The following PPP1R9A variants were observed in gnomAD, a reference collection of about 807,000 sequenced individuals.
PPP1R9A encodes the protein protein phosphatase 1 regulatory subunit 9A, also known as neurabin-1.
In PPP1R9A, 59 loss-of-function variants were observed where a neutral mutation model predicts 141.9. The observed-to-expected ratio is 0.42, with a 90% confidence interval of 0.34 to 0.52. PPP1R9A has a LOEUF of 0.52. PPP1R9A is among the 20% of genes least tolerant of loss of function. The pLI, the probability that PPP1R9A is intolerant of heterozygous loss-of-function variation, is 0.10. For synonymous variants in PPP1R9A, 500 were observed against 569.7 expected, an observed-to-expected ratio of 0.88 and a Z score of 1.74; for missense variants, 1,444 against 1,611.9, an observed-to-expected ratio of 0.90 and a Z score of 1.78.
chr7:95,284,950 A>G (rs1025747028), intron 17 of PPP1R9A, among the ~76,000 whole-genome samples: 7 of 152,352 alleles, frequency 4.6e-5, no homozygotes, highest in Non-Finnish European at 7.3e-5. Context: ...CAGAAACGTG[A>G]TTAATGTTAC....
intron 8 of PPP1R9A, among the ~76,000 whole-genome samples, chr7:95,237,054 A>G (rs115613911): frequency 3.8e-4 from 58 of 151,572 alleles, no homozygotes; most frequent in African/African-American, 1.4e-3. Context: ...ATTTTTTAAG[A>G]TATTTTATAT....
chr7:95,117,288 CA>C (rs1417924446), intron 3 of PPP1R9A, among the ~76,000 whole-genome samples: 2 of 151,810 alleles, frequency 1.3e-5, no homozygotes, highest in Admixed American at 1.3e-4. Context: ...ATGGGTCAGC[CA>C]CAGGAATAAT....
intron 2 of PPP1R9A, among the ~76,000 whole-genome samples, chr7:94,947,531 G>A (rs1301963301): frequency 6.6e-6 from 1 of 152,042 alleles, no homozygotes; most frequent in Non-Finnish European, 1.5e-5. Context: ...ACAGAAAGTG[G>A]GTTCAGATGC....
At chr7:95,114,183 C>T (rs1563255252) in intron 3 of PPP1R9A, among the ~76,000 whole-genome samples, 2 of 151,962 alleles carry the variant, frequency 1.3e-5, no homozygotes, top group Admixed American at 6.6e-5. Context: ...TACTCAGCAG[C>T]GAAAATGGAG....
At chr7:95,236,809 A>G (rs1204722698) in intron 8 of PPP1R9A, among the ~76,000 whole-genome samples, 2 of 151,548 alleles carry the variant, frequency 1.3e-5, no homozygotes, top group African/African-American at 4.8e-5. Context: ...TGACACCTGT[A>G]CTGATTTTTT....
intron 7 of PPP1R9A, among the ~76,000 whole-genome samples, chr7:95,217,780 G>A (rs923604564): frequency 6.6e-6 from 1 of 152,170 alleles, no homozygotes; most frequent in African/African-American, 2.4e-5. Flanking sequence ...AGTATTCTGT[G>A]ATGGTAGTTT....
At chr7:95,240,493 A>T (rs1797294956) in intron 8 of PPP1R9A, among the ~76,000 whole-genome samples, 1 of 148,102 alleles carries the variant, frequency 6.8e-6, no homozygotes, top group Admixed American at 6.7e-5. Context: ...TTCGTGTCTG[A>T]GATTGTTTCT....
intron 4 of PPP1R9A, among the ~76,000 whole-genome samples, chr7:95,131,919 G>A (rs1188595211): frequency 3.3e-5 from 5 of 152,032 alleles, no homozygotes; most frequent in African/African-American, 1.2e-4. Context: ...TTGGTTAGAT[G>A]TATTCCTAGG....
chr7:95,135,854 C>CTTTTTTTTTTTT (rs58872136), intron 4 of PPP1R9A, among the ~76,000 whole-genome samples: 13 of 73,074 alleles, frequency 1.8e-4, no homozygotes, highest in East Asian at 1.3e-3. Flanking sequence ...TTCAGCTTTA[C>CTTTTTTTTTTTT]TTTTTTTTTT....
intron 2 of PPP1R9A, among the ~76,000 whole-genome samples, chr7:95,009,297 T>C (rs561183696): frequency 7.9e-5 from 12 of 152,276 alleles, no homozygotes; most frequent in African/African-American, 2.9e-4. Flanking sequence ...ACTTAAAGTA[T>C]AATGAAGAAA....
chr7:95,213,395 A>ACTGCAATCT (rs3045832), intron 7 of PPP1R9A, among the ~76,000 whole-genome samples: 17,501 of 146,146 alleles, frequency 0.12, 1,126 homozygotes, highest in East Asian at 0.17. Context: ...ATCTTGGCTG[A>ACTGCAATCT]CTGCAATCTC....
intron 2 of PPP1R9A, among the ~76,000 whole-genome samples, chr7:95,048,360 T>A (rs1160279977): frequency 4.6e-5 from 7 of 152,018 alleles, no homozygotes; most frequent in Admixed American, 4.6e-4. Flanking sequence ...ATCTGAGAAG[T>A]TTGGATATGA....
At chr7:95,181,496 AATATATATAGAGAAT>A (rs1833796964) in intron 5 of PPP1R9A, among the ~76,000 whole-genome samples, 1 of 137,886 alleles carries the variant, frequency 7.3e-6, no homozygotes, top group Non-Finnish European at 1.5e-5. Context: ...ATATATATAG[AATATATATAGAGAAT>A]ATATATATTC....
chr7:95,069,109 A>C (rs185438336), intron 2 of PPP1R9A, among the ~76,000 whole-genome samples: 2 of 152,312 alleles, frequency 1.3e-5, no homozygotes, highest in East Asian at 3.9e-4. Context: ...TTAAGGAATA[A>C]TGACAAGAAA....
At chr7:95,085,414 A>G (rs891223449) in intron 2 of PPP1R9A, among the ~76,000 whole-genome samples, 1 of 139,616 alleles carries the variant, frequency 7.2e-6, no homozygotes, top group Non-Finnish European at 1.5e-5. Context: ...AGAAAAAAAA[A>G]TTTTTGGTTT....
chr7:95,250,840 G>A (rs1319734231), intron 10 of PPP1R9A, among the ~76,000 whole-genome samples: 1 of 152,066 alleles, frequency 6.6e-6, no homozygotes, highest in East Asian at 1.9e-4. Context: ...TTCAACAGCT[G>A]TTTCTGAGCT....
intron 2 of PPP1R9A, among the ~76,000 whole-genome samples, chr7:94,939,766 T>TTATATATA (rs376392944): frequency 1.1e-3 from 160 of 145,806 alleles, no homozygotes; most frequent in African/African-American, 3.8e-3. Flanking sequence ...AGGGACAAGA[T>TTATATATA]TATATATATA....
At chr7:95,244,244 AT>A (rs1797824825) in intron 8 of PPP1R9A, among the ~76,000 whole-genome samples, 1 of 152,072 alleles carries the variant, frequency 6.6e-6, no homozygotes, top group Non-Finnish European at 1.5e-5. Context: ...CCTGTTATCC[AT>A]TTTTGGTGAG....
chr7:95,248,597 A>G (rs990677814), intron 9 of PPP1R9A, among the ~76,000 whole-genome samples: 16 of 152,200 alleles, frequency 1.1e-4, no homozygotes, highest in Non-Finnish European at 2.2e-4. Flanking sequence ...TTGACATAGA[A>G]AGAATTGAAG....
Sources: gnomAD v4.1 joint callset for allele counts (sites outside exome capture counted in the v4.1 genomes callset) on GRCh38, gnomAD v4.1.1 for gene constraint, MANE v1.5 for transcripts, NCBI Gene and HGNC (gene_info 2026-07-23, HGNC 2026-07-21) for gene names.